The following SNX13 variants were observed in gnomAD, a reference collection of about 807,000 sequenced individuals.
The protein encoded by SNX13 is sorting nexin 13.
In SNX13, 45 loss-of-function variants were observed where a neutral mutation model predicts 133.6. That is an observed-to-expected ratio of 0.34 (90% confidence interval 0.27 to 0.43). SNX13 has a LOEUF of 0.43. Among genes scored for constraint, SNX13 ranks in the 20% least tolerant of loss-of-function variants. The probability of loss-of-function intolerance (pLI) is 1.00; values close to 1 mark genes in which losing one functional copy is unlikely to be tolerated. For missense variants in SNX13, 1,032 were observed against 1,145.1 expected (o/e 0.90, Z 1.43); for synonymous variants, 414 against 373.9 (o/e 1.11, Z -1.24).
intron 17 of SNX13, among the ~76,000 whole-genome samples, chr7:17,823,380 T>C (rs917788116): frequency 2.6e-5 from 4 of 152,314 alleles, no homozygotes; most frequent in African/African-American, 9.6e-5. Context: ...GGTCAAGTTC[T>C]GGGGCTAACA....
At chr7:17,840,717 G>C (rs1440855693) in intron 12 of SNX13, among the ~76,000 whole-genome samples, 1 of 151,966 alleles carries the variant, frequency 6.6e-6, no homozygotes, top group Non-Finnish European at 1.5e-5. Context: ...AGAGAATAAA[G>C]GCTGGACTGA....
At chr7:17,937,066 A>G (rs1243496169) in intron 1 of SNX13, among the ~76,000 whole-genome samples, 1 of 149,996 alleles carries the variant, frequency 6.7e-6, no homozygotes, top group Non-Finnish European at 1.5e-5. Flanking sequence ...TCATCCCTGT[A>G]TGTAAAATGC....
intron 8 of SNX13, among the ~76,000 whole-genome samples, chr7:17,869,701 G>A (rs542531356): frequency 6.6e-5 from 10 of 152,096 alleles, no homozygotes; most frequent in African/African-American, 2.4e-4. Flanking sequence ...AAATGTCTTT[G>A]GAGACACTTT....
chr7:17,935,368 G>C (rs944459323), intron 1 of SNX13, among the ~76,000 whole-genome samples: 19 of 152,186 alleles, frequency 1.2e-4, no homozygotes, highest in African/African-American at 3.9e-4. Flanking sequence ...CTGGAGAAGA[G>C]GGAGCAATGG....
intron 4 of SNX13, 54 bp from the exon 5 acceptor site, chr7:17,890,538 A>G: frequency 1.5e-6 from 2 of 1,349,878 alleles, no homozygotes; most frequent in Non-Finnish European, 2.0e-6. Flanking sequence ...TTAAAAAGTT[A>G]CAGTGGTAAA....
chr7:17,912,110 A>G (rs920477481), intron 1 of SNX13, among the ~76,000 whole-genome samples: 1 of 152,232 alleles, frequency 6.6e-6, no homozygotes. Flanking sequence ...TTCAAGAAAG[A>G]AAACAGGATT....
intron 13 of SNX13, among the ~76,000 whole-genome samples, chr7:17,835,124 A>G (rs1396991051): frequency 1.3e-5 from 2 of 151,888 alleles, no homozygotes; most frequent in Admixed American, 1.3e-4. Flanking sequence ...ATCTCTCAGT[A>G]AGCTTCATTT....
chr7:17,800,741 C>G (rs188017578), intron 22 of SNX13, among the ~76,000 whole-genome samples: 203 of 151,548 alleles, frequency 1.3e-3, no homozygotes, highest in African/African-American at 4.5e-3. Flanking sequence ...GCTAAGCCAA[C>G]AGAAAAATGA....
At chr7:17,807,390 C>G (rs1036328831) in intron 20 of SNX13, among the ~76,000 whole-genome samples, 3 of 152,200 alleles carry the variant, frequency 2.0e-5, no homozygotes, top group African/African-American at 4.8e-5. Context: ...CCCACCACAA[C>G]TCAGCAAAGC....
intron 20 of SNX13, among the ~76,000 whole-genome samples, chr7:17,805,268 T>TGCGCGCGCGCGC (rs1554304462): frequency 1.3e-4 from 9 of 69,282 alleles, no homozygotes; most frequent in Non-Finnish European, 2.9e-4. Context: ...CGCGCGCGCA[T>TGCGCGCGCGCGC]GCATGCACAT....
chr7:17,836,062 T>C (rs920224048), intron 13 of SNX13, among the ~76,000 whole-genome samples: 8 of 151,990 alleles, frequency 5.3e-5, no homozygotes, highest in Non-Finnish European at 1.2e-4. Flanking sequence ...ATTTGAAACA[T>C]CATATTTTAC....
chr7:17,905,969 C>T (rs977441365), intron 1 of SNX13, among the ~76,000 whole-genome samples: 2 of 152,126 alleles, frequency 1.3e-5, no homozygotes, highest in Non-Finnish European at 2.9e-5. Flanking sequence ...CTTTACCTTG[C>T]TCTGGCATGT....
chr7:17,857,826 C>T (rs1026835769), intron 9 of SNX13, among the ~76,000 whole-genome samples: 5 of 151,938 alleles, frequency 3.3e-5, no homozygotes, highest in Admixed American at 3.3e-4. Flanking sequence ...AGATTATTCA[C>T]CATGATTAAG....
chr7:17,920,923 A>G (rs1330392610), intron 1 of SNX13, among the ~76,000 whole-genome samples: 1 of 152,246 alleles, frequency 6.6e-6, no homozygotes, highest in African/African-American at 2.4e-5. Flanking sequence ...AAGAAATAGT[A>G]AAGGCTTTGC....
At chr7:17,861,686 G>A (rs1023085585) in intron 9 of SNX13, among the ~76,000 whole-genome samples, 15 of 152,162 alleles carry the variant, frequency 9.9e-5, no homozygotes, top group Admixed American at 9.8e-4. Flanking sequence ...CACACTGTGT[G>A]TGCTCACTTC....
intron 13 of SNX13, among the ~76,000 whole-genome samples, chr7:17,837,479 T>C (rs372906480): frequency 1.8e-4 from 27 of 152,080 alleles, no homozygotes; most frequent in African/African-American, 6.3e-4. Flanking sequence ...AATGTAATAA[T>C]TGGGATTTTA....
In SNX13 at chr7:17,807,534, G is replaced by A. The variant is rs1029266440; in HGVS notation, c.2065-3954C>T. 5.3e-5 allele frequency among the ~76,000 whole-genome samples: 8 copies of A among 152,348 alleles called. No homozygotes were observed. The East Asian group carries it at 9.7e-4, about 18-fold the overall frequency. On this transcript the variant is annotated intron_variant, in intron 20 of 25. Coordinates refer to ENST00000428135, the MANE Select transcript of SNX13 (RefSeq NM_015132.5). ...CCTGGTGAAAGGTGCGGTTGTGGGC[G>A]CAGTTGCAGCATGCTTAAACGTTCC...
At position 17,854,189 on chromosome 7, in the gene SNX13, T is replaced by C. The variant is rs148620519; in HGVS notation, c.838-3225A>G. ...ATAGCACTGTGGAGTAAATTATGCA[T>C]GCAGATGTAAAATATATAATGAAAA... On this transcript the variant is annotated intron_variant, in intron 9 of 25. Coordinates refer to ENST00000428135, the MANE Select transcript of SNX13 (RefSeq NM_015132.5). Among the ~76,000 whole-genome samples, 283 of 152,290 alleles carry C rather than the reference T, an allele frequency of 1.9e-3. 1 individual carries two copies. Among genetic ancestry groups the C allele is most frequent in the African/African-American group, 6.4e-3 (264 of 41,570 alleles).
At chr7:17,832,786 A>C (rs765835631) in intron 15 of SNX13, among the ~76,000 whole-genome samples, 5 of 151,512 alleles carry the variant, frequency 3.3e-5, no homozygotes, top group Non-Finnish European at 7.4e-5. Flanking sequence ...ATAGAGTATT[A>C]ATTTAAAAAC....
Sources: allele counts gnomAD v4.1 joint callset (sites outside exome capture counted in the v4.1 genomes callset), GRCh38; gene constraint gnomAD v4.1.1; transcripts MANE v1.5; gene names NCBI Gene and HGNC (gene_info 2026-07-23, HGNC 2026-07-21).